SLC6A2: variants seen among roughly 807,000 people sequenced by gnomAD.
SLC6A2 encodes sodium-dependent noradrenaline transporter.
A neutral mutation model predicts 71.7 loss-of-function variants in SLC6A2; 26 were observed. The ratio of observed to expected loss-of-function variants is 0.36; its 90% CI spans 0.27 to 0.50. The LOEUF (loss-of-function observed/expected upper bound fraction) is 0.50. Ranked by LOEUF, SLC6A2 falls within the 20% of genes least tolerant of loss-of-function variation. SLC6A2 has a pLI of 0.96. For missense variants in SLC6A2, 581 were observed against 803.9 expected, an observed-to-expected ratio of 0.72 and a Z score of 3.35; for synonymous variants, 363 against 337.9, an observed-to-expected ratio of 1.07 and a Z score of -0.82.
intron 2 of SLC6A2, among the ~76,000 whole-genome samples, chr16:55,667,034 A>C (rs1330434207): frequency 1.3e-5 from 2 of 148,672 alleles, no homozygotes; most frequent in East Asian, 3.9e-4. Context: ...TTGAGTCAGC[A>C]TCTCACTCTG....
intron 4 of SLC6A2, among the ~76,000 whole-genome samples, chr16:55,674,964 C>A (rs1176312332): frequency 6.6e-6 from 1 of 152,176 alleles, no homozygotes; most frequent in East Asian, 1.9e-4. Context: ...TTTACATTCC[C>A]ACCAACAGTG....
chr16:55,662,378 C>A (rs544882821), intron 2 of SLC6A2, among the ~76,000 whole-genome samples: 54 of 152,300 alleles, frequency 3.5e-4, no homozygotes, highest in African/African-American at 1.2e-3. Context: ...AAATGCCTAT[C>A]ATATGCCAGG....
At chr16:55,691,358 C>T (rs903155221) in intron 5 of SLC6A2, among the ~76,000 whole-genome samples, 17 of 150,502 alleles carry the variant, frequency 1.1e-4, no homozygotes, top group African/African-American at 4.2e-4. Flanking sequence ...GGACACAGGA[C>T]TGATGGGGAA....
At position 55,703,697 on chromosome 16, in the gene SLC6A2, AC is replaced by A. The variant is rs529579673; in HGVS notation, c.*1354del. ...TCTGTTTATGGTTAGAGTCTCTTACACCCTTGTTGGAGGGATTCTTATTCTG... is the reference window on the plus strand; with the variant it reads ...TCTGTTTATGGTTAGAGTCTCTTACACCTTGTTGGAGGGATTCTTATTCTG... On this transcript the variant is annotated 3_prime_UTR_variant, in exon 15 of 15. Coordinates refer to ENST00000568943, the MANE Select transcript of SLC6A2 (RefSeq NM_001172501.3). 1.0e-4 allele frequency: 99 copies of A among 985,214 alleles called. No homozygotes were observed. The highest frequency in any genetic ancestry group is 1.1e-4 in the Non-Finnish European group (94 of 829,890). 61.0% of individuals were successfully genotyped at this position (985,214 alleles called of 1,614,324 possible).
intron 4 of SLC6A2, among the ~76,000 whole-genome samples, chr16:55,681,366 GC>G (rs1965266356): frequency 1.3e-5 from 2 of 152,162 alleles, no homozygotes; most frequent in Admixed American, 1.3e-4. Flanking sequence ...CATGCCACCA[GC>G]CCCCGGCACA....
chr16:55,673,390 T>C (rs1419917444), intron 4 of SLC6A2, among the ~76,000 whole-genome samples: 1 of 152,160 alleles, frequency 6.6e-6, no homozygotes, highest in Non-Finnish European at 1.5e-5. Flanking sequence ...TTTTCCTTTT[T>C]TAAGTAATGT....
intron 4 of SLC6A2, among the ~76,000 whole-genome samples, chr16:55,674,007 ATTG>A (rs1317239440): frequency 2.0e-5 from 3 of 152,054 alleles, no homozygotes; most frequent in East Asian, 1.9e-4. Context: ...CATAACTATT[ATTG>A]TTGTTGTTAT....
rs1208916408 is a variant in SLC6A2 at position 55,656,250 on chromosome 16, GT to G, written c.-52+84del. ...AGACGCGCCAGCAGAGGGCTAGCGA[GT>G]TTGTAGTGCAGTGACGTTAAGTGTC... On this transcript the variant is annotated intron_variant, in intron 1 of 14. Transcript: ENST00000568943. This position sits in a 1 kb window ranked among gnomAD's most constrained non-coding sequence, Gnocchi z 4.5. The G allele has an allele frequency of 4.1e-6, 1 of 246,650 alleles. No individual in the cohort carries two copies. Among genetic ancestry groups the G allele is most frequent in the Non-Finnish European group, 8.0e-6 (1 of 125,300 alleles). The allele number at this position is 246,650 out of a possible 1,614,324, so 15.3% of individuals were successfully genotyped here.
At chr16:55,698,315 C>T (rs1056728196) in intron 10 of SLC6A2, among the ~76,000 whole-genome samples, 154 bp from the exon 11 acceptor site, 2 of 152,118 alleles carry the variant, frequency 1.3e-5, no homozygotes, top group African/African-American at 2.4e-5. Context: ...GTGACTGTAA[C>T]GTCAATACAA....
intron 5 of SLC6A2, 91 bp from the exon 6 acceptor site, chr16:55,691,827 T>C (rs1419498186): frequency 4.9e-6 from 7 of 1,442,428 alleles, no homozygotes; most frequent in Non-Finnish European, 3.9e-6. Context: ...AGAGCATGAC[T>C]GGCTCCCTGG....
intron 2 of SLC6A2, 56 bp downstream of exon 2, chr16:55,657,024 G>A (rs1263710484): frequency 2.5e-6 from 4 of 1,589,784 alleles, no homozygotes; most frequent in Admixed American, 1.7e-5. Context: ...GTCTGCAGCG[G>A]TGGCTGGGAC....
intron 4 of SLC6A2, among the ~76,000 whole-genome samples, chr16:55,683,519 A>G (rs540833980): frequency 2.0e-5 from 3 of 152,240 alleles, no homozygotes; most frequent in African/African-American, 7.2e-5. Context: ...AGGCTGAGGT[A>G]TGAGAATCAC....
At chr16:55,691,868 C>G in intron 5 of SLC6A2, 50 bp from the exon 6 acceptor site, 1 of 1,609,810 alleles carries the variant, frequency 6.2e-7, no homozygotes, top group South Asian at 1.1e-5. Flanking sequence ...CAGCCCGCCA[C>G]GGGATTGGGG....
At chr16:55,657,082 C>T in intron 2 of SLC6A2, 114 bp downstream of exon 2, 3 of 1,192,014 alleles carry the variant, frequency 2.5e-6, no homozygotes, top group Non-Finnish European at 3.6e-6. Context: ...AGGGGCAAAT[C>T]TGGGGCGCAG....
At chr16:55,684,948 G>A (rs546060987) in intron 4 of SLC6A2, among the ~76,000 whole-genome samples, 195 bp from the exon 5 acceptor site, 2 of 152,312 alleles carry the variant, frequency 1.3e-5, no homozygotes, top group East Asian at 3.9e-4. Flanking sequence ...GGACAGAGTG[G>A]TCCTGGGCAC....
intron 4 of SLC6A2, among the ~76,000 whole-genome samples, chr16:55,676,837 G>A (rs1298858342): frequency 2.0e-5 from 3 of 152,108 alleles, no homozygotes; most frequent in Non-Finnish European, 4.4e-5. Flanking sequence ...GTTTATAAGT[G>A]GCATTAAAAG....
intron 2 of SLC6A2, among the ~76,000 whole-genome samples, chr16:55,667,808 A>C (rs1011375702): frequency 4.6e-5 from 7 of 152,156 alleles, no homozygotes; most frequent in Non-Finnish European, 8.8e-5. Flanking sequence ...TCCTTCATCT[A>C]GGCTGGAATG....
intron 9 of SLC6A2, among the ~76,000 whole-genome samples, chr16:55,696,552 A>G (rs1408569384): frequency 4.6e-5 from 7 of 152,254 alleles, no homozygotes; most frequent in Non-Finnish European, 1.5e-5. Context: ...CCCCTTTGAC[A>G]TCTTGGAAAT....
intron 4 of SLC6A2, among the ~76,000 whole-genome samples, chr16:55,679,282 C>A (rs1489260073): frequency 1.3e-5 from 2 of 151,344 alleles, no homozygotes; most frequent in African/African-American, 4.9e-5. Context: ...GGCTGGAGGG[C>A]AATGGCTCAA....
Sources: allele counts gnomAD v4.1 joint callset (sites outside exome capture counted in the v4.1 genomes callset), GRCh38; gene constraint gnomAD v4.1.1; non-coding constraint Gnocchi (gnomAD v3.1); transcripts MANE v1.5; gene names NCBI Gene and HGNC (gene_info 2026-07-23, HGNC 2026-07-21).